Variants in HHAT observed in about 807,000 individuals in gnomAD.
The protein encoded by HHAT is hedgehog acyltransferase.
In HHAT, 47 loss-of-function variants were observed where a neutral mutation model predicts 70.8. The ratio of observed to expected loss-of-function variants is 0.66; its 90% CI spans 0.53 to 0.85. The LOEUF (loss-of-function observed/expected upper bound fraction) is 0.85. HHAT is among the 40% of genes least tolerant of loss of function. The pLI is 0.00. For missense variants in HHAT, 609 were observed against 604.8 expected (o/e 1.01, Z -0.07); for synonymous variants, 228 against 247.6 (o/e 0.92, Z 0.74).
At chr1:210,608,086 T>G (rs1255552670) in intron 10 of HHAT, among the ~76,000 whole-genome samples, 2 of 152,238 alleles carry the variant, frequency 1.3e-5, no homozygotes, top group African/African-American at 4.8e-5. Flanking sequence ...ATTCTCCTGT[T>G]GAAAATTCAG....
At chr1:210,607,548 G>A (rs1018345956) in intron 10 of HHAT, among the ~76,000 whole-genome samples, 1 of 152,130 alleles carries the variant, frequency 6.6e-6, no homozygotes, top group Non-Finnish European at 1.5e-5. Flanking sequence ...GGCTTATTCA[G>A]TAGTCCCAAG....
chr1:210,615,822 C>T (rs11119551), intron 10 of HHAT, among the ~76,000 whole-genome samples: 130,556 of 152,186 alleles, frequency 0.86, 58,410 homozygotes, highest in East Asian at 1. Flanking sequence ...GGGTACCTGG[C>T]CGTGTGAGGT....
At chr1:210,336,794 A>C (rs1336168976) in intron 1 of HHAT, among the ~76,000 whole-genome samples, 2 of 151,306 alleles carry the variant, frequency 1.3e-5, no homozygotes, top group African/African-American at 4.9e-5. Flanking sequence ...GAAAAAAATA[A>C]AAAATAAGAA....
intron 9 of HHAT, among the ~76,000 whole-genome samples, chr1:210,574,389 A>G (rs534344832): frequency 8.5e-5 from 13 of 152,318 alleles, no homozygotes; most frequent in African/African-American, 2.9e-4. Flanking sequence ...ATAAGATGAA[A>G]TTAGTGGCAT....
intron 8 of HHAT, among the ~76,000 whole-genome samples, chr1:210,498,539 C>G (rs1293431974): frequency 1.3e-5 from 2 of 152,150 alleles, no homozygotes; most frequent in African/African-American, 2.4e-5. Context: ...GTGCATATCC[C>G]TGAAGACCTG....
Position 210,652,030 on chromosome 1 carries a change from T to C in HHAT, c.1391-22258T>C, listed in dbSNP as rs564571229. On this transcript the variant is annotated intron_variant, in intron 11 of 11. Transcript: ENST00000261458. The stretch of plus-strand genomic sequence containing the variant: ...GAAGGAAAGCCTAGCTGTCAAGAGC[T>C]GGAGGAAGTAATTGGAATAGATGCT... Among the ~76,000 whole-genome samples, 42 of 152,260 alleles carry C rather than the reference T, an allele frequency of 2.8e-4. No homozygotes were observed. The South Asian group carries it at 8.5e-3, about 31-fold the overall frequency.
At chr1:210,509,118 C>G (rs1348398163) in intron 8 of HHAT, among the ~76,000 whole-genome samples, 1 of 152,196 alleles carries the variant, frequency 6.6e-6, no homozygotes, top group Non-Finnish European at 1.5e-5. Flanking sequence ...ATTACTTTTG[C>G]ACCAACTGAA....
chr1:210,479,691 G>C (rs545622758), intron 8 of HHAT, among the ~76,000 whole-genome samples: 43 of 152,216 alleles, frequency 2.8e-4, no homozygotes, highest in African/African-American at 1.0e-3. Context: ...TGTAAATATT[G>C]TGGTCAGTGG....
rs2084745304 is a variant in HHAT, at chr1:210,329,025, CGGAAG to C, written c.-122_-118del. On this transcript the variant is annotated 5_prime_UTR_variant, in exon 1 of 12. An upstream open reading frame in the 5' UTR gains an earlier in-frame stop. Transcript: ENST00000261458. Reference sequence around the variant, plus strand: ...AGCCGCCGCCGATGTCGCTGGGACTCGGAAGTGCCGAAAGAGGGGTGTTGGGAACT... The same window carrying C: ...AGCCGCCGCCGATGTCGCTGGGACTCTGCCGAAAGAGGGGTGTTGGGAACT... 1 of 1,417,272 alleles carries C rather than the reference CGGAAG, an allele frequency of 7.1e-7. No homozygotes were observed. Among genetic ancestry groups the C allele is most frequent in the African/African-American group, 1.5e-5 (1 of 67,248 alleles). The allele number at this position is 1,417,272 out of a possible 1,614,324, so 87.8% of individuals were successfully genotyped here. A position where few individuals can be genotyped will look rare whatever the true frequency, so the allele number is the denominator to read the frequency against.
chr1:210,438,216 A>G (rs2093425073), intron 7 of HHAT, among the ~76,000 whole-genome samples: 1 of 151,536 alleles, frequency 6.6e-6, no homozygotes, highest in Non-Finnish European at 1.5e-5. Flanking sequence ...GTATGTATCC[A>G]TTGATAATGG....
intron 8 of HHAT, among the ~76,000 whole-genome samples, chr1:210,491,856 G>A (rs1428137180): frequency 6.6e-6 from 1 of 152,108 alleles, no homozygotes; most frequent in Non-Finnish European, 1.5e-5. Context: ...TCCACCTCCT[G>A]GGTTCAAGCA....
chr1:210,352,754 C>G (rs138834329), intron 2 of HHAT, among the ~76,000 whole-genome samples: 1 of 152,220 alleles, frequency 6.6e-6, no homozygotes, highest in East Asian at 1.9e-4. Context: ...TTCTTCCCCC[C>G]AACTCTACCA....
At chr1:210,425,644 T>G (rs558080655) in intron 7 of HHAT, among the ~76,000 whole-genome samples, 1 of 152,252 alleles carries the variant, frequency 6.6e-6, no homozygotes, top group African/African-American at 2.4e-5. Context: ...GAAGTTCATA[T>G]AGTTGTACAT....
intron 7 of HHAT, among the ~76,000 whole-genome samples, chr1:210,431,503 C>A (rs892980474): frequency 2.0e-5 from 3 of 151,866 alleles, no homozygotes; most frequent in African/African-American, 7.3e-5. Flanking sequence ...TTTAGCATTT[C>A]TTAGGTGTTC....
At chr1:210,451,760 A>G (rs1001780779) in intron 7 of HHAT, among the ~76,000 whole-genome samples, 1 of 152,078 alleles carries the variant, frequency 6.6e-6, no homozygotes, top group Non-Finnish European at 1.5e-5. Context: ...TAAATTTTTT[A>G]TAGAGACATG....
In HHAT at chr1:210,530,424, G is replaced by A. The variant is rs142920470; in HGVS notation, c.1043+17236G>A. Among the ~76,000 whole-genome samples the A allele has an allele frequency of 1.3e-3, 200 of 152,270 alleles. 1 individual carries two copies. Among genetic ancestry groups the A allele is most frequent in the African/African-American group, 4.6e-3 (192 of 41,544 alleles). On this transcript the variant is annotated intron_variant, in intron 9 of 11. Transcript: ENST00000261458. ...AATCATAATATTAATACCAATGTTT[G>A]CAATAATGTGCATATTTGCATTAAT...
chr1:210,608,914 G>A (rs781467623), intron 10 of HHAT, among the ~76,000 whole-genome samples: 5 of 152,094 alleles, frequency 3.3e-5, no homozygotes, highest in Admixed American at 1.3e-4. Flanking sequence ...CAATCATGGC[G>A]GAAGGCGAAG....
chr1:210,388,923 T>C (rs1485347071), intron 4 of HHAT, among the ~76,000 whole-genome samples: 2 of 152,212 alleles, frequency 1.3e-5, no homozygotes, highest in African/African-American at 2.4e-5. Flanking sequence ...GAAGATGATG[T>C]ACTTTGAGGA....
Position 210,588,017 on chromosome 1 carries a change from G to C in HHAT, c.1163G>C (p.Trp388Ser). ...WHGGYDYLWC[W>S]AALNWLGVTV... ...GGCGGCTACGACTACCTCTGGTGCT[G>C]GGCAGCGCTCAACTGGCTGGGAGTC... Residue 388 changes from tryptophan to serine, a missense_variant, in exon 10 of 12, where the codon TGG becomes TCG. Trp to Ser is a radical substitution (Grantham distance 177). Coordinates refer to ENST00000261458, the MANE Select transcript of HHAT (RefSeq NM_018194.6). 6 of 1,614,018 alleles carry C rather than the reference G, an allele frequency of 3.7e-6. No individual in the cohort carries two copies. The highest frequency in any genetic ancestry group is 5.1e-6 in the Non-Finnish European group (6 of 1,179,984).
Sources: allele counts gnomAD v4.1 joint callset (sites outside exome capture counted in the v4.1 genomes callset), GRCh38; gene constraint gnomAD v4.1.1; transcripts MANE v1.5; gene names NCBI Gene and HGNC (gene_info 2026-07-23, HGNC 2026-07-21).